The following YLPM1 variants were observed in gnomAD, a reference collection of about 807,000 sequenced individuals.
YLPM1 encodes YLP motif-containing protein 1.
A neutral mutation model predicts 230.0 loss-of-function variants in YLPM1; 99 were observed. The ratio of observed to expected loss-of-function variants is 0.43; its 90% CI spans 0.37 to 0.51. YLPM1 has a LOEUF of 0.51. Among genes scored for constraint, YLPM1 ranks in the 20% least tolerant of loss-of-function variants. YLPM1 has a pLI of 0.00. For missense variants in YLPM1, 2,592 were observed against 2,707.7 expected (o/e 0.96, Z 0.95); for synonymous variants, 984 against 942.5 (o/e 1.04, Z -0.81).
At chr14:74,821,365 T>TA in intron 17 of YLPM1, 1 of 448,974 alleles carries the variant, frequency 2.2e-6, no homozygotes, top group Non-Finnish European at 3.7e-6. Flanking sequence ...CTAAGAAACT[T>TA]ACCCTTGTAC....
At chr14:74,800,751 A>C (rs2091316613) in intron 5 of YLPM1, among the ~76,000 whole-genome samples, 1 of 152,194 alleles carries the variant, frequency 6.6e-6, no homozygotes, top group South Asian at 2.1e-4. Flanking sequence ...ACTCATGAAG[A>C]AAATGTGGAA....
Position 74,811,387 on chromosome 14 carries a change from A to G in YLPM1, c.5229-233A>G, listed in dbSNP as rs1317689201. 4.6e-5 allele frequency among the ~76,000 whole-genome samples: 7 copies of G among 151,818 alleles called. No homozygotes were observed. In the East Asian group the frequency reaches 1.4e-3, roughly 30 times the overall value. ...AGTCCCAGCTACTCAGGAGGCTGAGATGGGAGGATTGCTTGAACACTGGAG... is the reference window on the plus strand; with the variant it reads ...AGTCCCAGCTACTCAGGAGGCTGAGGTGGGAGGATTGCTTGAACACTGGAG... On this transcript the variant is annotated intron_variant, in intron 9 of 20. Coordinates refer to ENST00000325680, the MANE Select transcript of YLPM1 (RefSeq NM_019589.3).
rs1197312214 is a variant in YLPM1 at position 74,809,759 on chromosome 14, C to T, written c.4901C>T (p.Pro1634Leu). 2 of 1,613,924 alleles carry T rather than the reference C, an allele frequency of 1.2e-6. No individual in the cohort carries two copies. The highest frequency in any genetic ancestry group is 8.5e-7 in the Non-Finnish European group (1 of 1,179,908). The change falls in exon 7 of 21, where the codon CCA becomes CTA. Residue 1634 changes from proline to leucine, a missense_variant. Physicochemically the swap from Pro to Leu is moderately conservative, Grantham distance 98. This residue lies in a region of YLPM1 where 403 missense variants were observed against 426.7 expected (regional missense o/e 0.94). Transcript: ENST00000325680. ...GGTATGCCACCAATGTCCAAGCCACCACCAGTACAACAGACTGTTGATTAT... is the reference window on the plus strand; with the variant it reads ...GGTATGCCACCAATGTCCAAGCCACTACCAGTACAACAGACTGTTGATTAT... ...PMGMPPMSKPPPVQQTVDYGH... is the reference protein window; with the variant it reads ...PMGMPPMSKPLPVQQTVDYGH...
chr14:74,783,808 C>G (rs376959436), intron 4 of YLPM1, among the ~76,000 whole-genome samples: 1 of 152,212 alleles, frequency 6.6e-6, no homozygotes, highest in African/African-American at 2.4e-5. Flanking sequence ...TTGCTAGAGA[C>G]TTTACACACA....
In YLPM1 at chr14:74,809,398, C is replaced by A. The variant is rs1281834595; in HGVS notation, c.4540C>A (p.Pro1514Thr). The change falls in exon 7 of 21, where the codon CCT (proline) becomes ACT (threonine). Residue 1514 changes from proline to threonine, a missense_variant. Physicochemically the swap from Pro to Thr is conservative, Grantham distance 38. This residue lies in a region of YLPM1 where 403 missense variants were observed against 426.7 expected (regional missense o/e 0.94). Coordinates refer to ENST00000325680, the MANE Select transcript of YLPM1 (RefSeq NM_019589.3). ...TCTCTAGCCTCCAGGGTCGTATAGA[C>A]CTCCCCCTCCTATGGGCAAACCACC... ...GMYPPPGSYRPPPPMGKPPGS... is the reference protein window; with the variant it reads ...GMYPPPGSYRTPPPMGKPPGS... The A allele has an allele frequency of 6.2e-7, 1 of 1,608,844 alleles. No individual in the cohort carries two copies. The highest frequency in any genetic ancestry group is 8.5e-7 in the Non-Finnish European group (1 of 1,177,346).
At position 74,819,068 on chromosome 14, in the gene YLPM1, C is replaced by T. The variant is rs1016594591; in HGVS notation, c.6030+754C>T. Among the ~76,000 whole-genome samples the T allele has an allele frequency of 2.6e-5, 4 of 152,218 alleles. No homozygotes were observed. The South Asian group carries it at 6.2e-4, about 24-fold the overall frequency. ...ACTGATTACTTGGTTAAGGTGATAT[C>T]CATCAAATTTTTCTACCTTTTTCTC... On this transcript the variant is annotated intron_variant, in intron 16 of 20. Transcript: ENST00000325680.
rs370181759 is a variant in YLPM1 at position 74,764,249 on chromosome 14, C to G, written c.760C>G (p.Pro254Ala). The change falls in exon 1 of 21, where the codon CCT (proline) becomes GCT (alanine). Residue 254 changes from proline (P) to alanine (A), a missense_variant. By Grantham distance (27) the Pro-to-Ala change is conservative. Coordinates refer to ENST00000325680, the MANE Select transcript of YLPM1 (RefSeq NM_019589.3). Reference sequence around the variant, plus strand: ...AGCTCCACCACCACCGTCCGCCCCCCCTGGAAATAAGACAACTGTCCAGCA... The same window carrying G: ...AGCTCCACCACCACCGTCCGCCCCCGCTGGAAATAAGACAACTGTCCAGCA... The part of the protein sequence containing the change: ...LLAPPPPSAP[P>A]GNKTTVQQEP... The G allele has an allele frequency of 4.5e-5, 72 of 1,613,822 alleles. No homozygotes were observed. The highest frequency in any genetic ancestry group is 4.0e-4 in the East Asian group (18 of 44,868).
intron 6 of YLPM1, among the ~76,000 whole-genome samples, chr14:74,807,411 G>A (rs1271357510): frequency 1.3e-5 from 2 of 152,204 alleles, no homozygotes; most frequent in East Asian, 3.8e-4. Context: ...ACTAGGCATG[G>A]TGGCTCACAC....
At chr14:74,796,816 C>G (rs147288286) in intron 4 of YLPM1, among the ~76,000 whole-genome samples, 107 of 148,836 alleles carry the variant, frequency 7.2e-4, no homozygotes, top group African/African-American at 2.5e-3. Flanking sequence ...TATTTATAAT[C>G]ATCCTATATT....
chr14:74,785,293 A>T (rs903458868), intron 4 of YLPM1, among the ~76,000 whole-genome samples: 6 of 152,300 alleles, frequency 3.9e-5, no homozygotes, highest in Admixed American at 3.3e-4. Flanking sequence ...GGTATGTGAT[A>T]TCCCTCTTCA....
chr14:74,824,611 CTGA>C (rs1005353336), intron 18 of YLPM1, among the ~76,000 whole-genome samples: 1 of 151,946 alleles, frequency 6.6e-6, no homozygotes, highest in Middle Eastern at 3.2e-3. Flanking sequence ...AATGTTGGTG[CTGA>C]TGAGATTTCT....
chr14:74,798,425 A>T lies in YLPM1; in HGVS notation c.3128A>T (p.Gln1043Leu). 1.2e-6 allele frequency: 2 copies of T among 1,614,022 alleles called. No individual in the cohort carries two copies. The highest frequency in any genetic ancestry group is 2.2e-5 in the South Asian group (2 of 91,084). ...DKGLVNRGRG[Q>L]AISRGPGLVK... ...GGTCTAGTAAACAGAGGTCGCGGCC[A>T]GGCAATCAGTCGAGGCCCAGGATTG... The change falls in exon 5 of 21, where the codon CAG becomes CTG. Residue 1043 changes from glutamine to leucine, a missense_variant. This residue lies in a region of YLPM1 where 1,862 missense variants were observed against 1,819.8 expected (regional missense o/e 1.02). Coordinates refer to ENST00000325680, the MANE Select transcript of YLPM1 (RefSeq NM_019589.3).
At chr14:74,830,382 T>C (rs1383386218) in intron 19 of YLPM1, among the ~76,000 whole-genome samples, 1 of 152,226 alleles carries the variant, frequency 6.6e-6, no homozygotes, top group African/African-American at 2.4e-5. Flanking sequence ...GTATATCCTT[T>C]AAAACAAAAT....
chr14:74,772,299 C>T (rs1015687784), intron 1 of YLPM1, among the ~76,000 whole-genome samples: 3 of 150,132 alleles, frequency 2.0e-5, no homozygotes, highest in Non-Finnish European at 4.4e-5. Flanking sequence ...AAGCGATATT[C>T]GTGCCTCGGC....
rs752654535 is a variant in YLPM1 at position 74,782,081 on chromosome 14, G to A, written c.2038G>A (p.Ala680Thr). 1 of 1,613,912 alleles carries A rather than the reference G, an allele frequency of 6.2e-7. No homozygotes were observed. Among genetic ancestry groups the A allele is most frequent in the Admixed American group, 1.7e-5 (1 of 59,996 alleles). ...TCCTACTCCTGTGTCTTTTGGTTCT[G>A]CCCCACCGACAACTTACCATCCTCC... The part of the protein sequence containing the change: ...LLPTPVSFGS[A>T]PPTTYHPPLQ... Residue 680 changes from alanine to threonine, a missense_variant, in exon 4 of 21, where the codon GCC becomes ACC. By Grantham distance (58) the Ala-to-Thr change is moderately conservative. Around this residue, in one of 4 missense-constraint regions of YLPM1, gnomAD observed 1,862 missense variants for 1,819.8 expected, o/e 1.02. Transcript: ENST00000325680.
At chr14:74,806,535 A>G (rs1244875973) in intron 6 of YLPM1, among the ~76,000 whole-genome samples, 1 of 152,238 alleles carries the variant, frequency 6.6e-6, no homozygotes, top group Non-Finnish European at 1.5e-5. Flanking sequence ...GAGGTTGCAC[A>G]TAGCGCCACT....
chr14:74,810,021 T>G lies in YLPM1; in HGVS notation c.5032+19T>G. ...GAGACAGGTAGGATTCCCAGAGAGG[T>G]CAGTATTTTTAAACATTTTAGGGCC... On this transcript the variant is annotated intron_variant, in intron 8 of 20. Transcript: ENST00000325680. 1 of 1,574,214 alleles carries G rather than the reference T, an allele frequency of 6.4e-7. No individual in the cohort carries two copies. The highest frequency in any genetic ancestry group is 8.6e-7 in the Non-Finnish European group (1 of 1,160,392).
chr14:74,763,320 C>T lies in YLPM1; in HGVS notation c.-170C>T. 2 of 711,484 alleles carry T rather than the reference C, an allele frequency of 2.8e-6. No individual in the cohort carries two copies. Among genetic ancestry groups the T allele is most frequent in the Non-Finnish European group, 4.1e-6 (2 of 492,352 alleles). The allele number at this position is 711,484 out of a possible 1,614,324, so 44.1% of individuals were successfully genotyped here. ...TCGCCCAAGTCGCGTCCCCGCCTTC[C>T]CGGTCGCGGGCCCAGCTCGGGAGCG... On this transcript the variant is annotated 5_prime_UTR_variant, in exon 1 of 21. Transcript: ENST00000325680.
At chr14:74,811,564 G>A in intron 9 of YLPM1, 56 bp from the exon 10 acceptor site, 1 of 1,341,916 alleles carries the variant, frequency 7.5e-7, no homozygotes, top group South Asian at 1.2e-5. Flanking sequence ...GCGTTATAAA[G>A]CAGAGAACCC....
Sources: allele counts gnomAD v4.1 joint callset (sites outside exome capture counted in the v4.1 genomes callset), GRCh38; gene constraint gnomAD v4.1.1; regional missense constraint gnomAD v4.1.1; transcripts MANE v1.5; gene names NCBI Gene and HGNC (gene_info 2026-07-23, HGNC 2026-07-21).